Variants in RANBP3 observed in about 807,000 individuals in gnomAD.
The protein encoded by RANBP3 is RAN binding protein 3, also known as ran-binding protein 3.
Under a neutral mutation model 77.3 loss-of-function variants are expected in RANBP3, and 14 were observed. The ratio of observed to expected loss-of-function variants is 0.18; its 90% confidence interval spans 0.12 to 0.28. The LOEUF (loss-of-function observed/expected upper bound fraction) is 0.28, where lower values mean the gene tolerates loss of function less well. RANBP3 is among the 10% of genes least tolerant of loss of function. The pLI is 1.00. For synonymous variants in RANBP3, 315 were observed against 312.4 expected (o/e 1.01, Z -0.09); for missense variants, 586 against 752.3 (o/e 0.78, Z 2.59).
intron 13 of RANBP3, 132 bp downstream of exon 13, chr19:5,923,062 C>A: frequency 1.5e-6 from 1 of 689,560 alleles, no homozygotes; most frequent in Admixed American, 2.8e-5. Context: ...AGTCCCAGAG[C>A]GTGGGGCCAG....
intron 3 of RANBP3, chr19:5,950,574 G>A (rs1421590736): frequency 6.6e-6 from 1 of 152,238 alleles, no homozygotes; most frequent in Non-Finnish European, 1.5e-5. Flanking sequence ...CAGCCTGGAA[G>A]GCTGCCTGGT....
In RANBP3 at chr19:5,951,504, T is replaced by C. The variant is rs758610322; in HGVS notation, c.171A>G (p.Ser57=). The C allele has an allele frequency of 6.2e-7, 1 of 1,611,318 alleles. No individual in the cohort carries two copies. Among genetic ancestry groups the C allele is most frequent in the Non-Finnish European group, 8.5e-7 (1 of 1,178,412 alleles). ...GAGGTTCTAGGGCATGCTCGCCAGC[T>C]GACTCGGGGTGACCCGTGCCATGGT... The part of the protein sequence containing the change: ...APHHGTGHPE[S]AGEHALEPPA... The change falls in exon 3 of 17, where the codon TCA becomes TCG. Residue 57 remains serine (S), a synonymous_variant. Coordinates refer to ENST00000340578, the MANE Select transcript of RANBP3 (RefSeq NM_007322.3).
rs1402961286 is a variant in RANBP3 at position 5,962,725 on chromosome 19, C to T, written c.23-4752G>A. 2.6e-5 allele frequency: 12 copies of T among 455,962 alleles called. 2 individuals are homozygous for T. Among genetic ancestry groups the T allele is most frequent in the Middle Eastern group, 6.5e-4 (2 of 3,092 alleles). The allele number at this position is 455,962 out of a possible 1,614,324, so 28.2% of individuals were successfully genotyped here. On this transcript the variant is annotated intron_variant, in intron 1 of 16. Coordinates refer to ENST00000340578, the MANE Select transcript of RANBP3 (RefSeq NM_007322.3). ...TCACATCTGCACCCAAAACACAGAGCGTCAGTTACTCACGCTGCATTTCTA... is the reference window on the plus strand; with the variant it reads ...TCACATCTGCACCCAAAACACAGAGTGTCAGTTACTCACGCTGCATTTCTA...
In RANBP3 at chr19:5,962,937, C is replaced by T. The variant is rs1377693828; in HGVS notation, c.23-4964G>A. On this transcript the variant is annotated intron_variant, in intron 1 of 16. Coordinates refer to ENST00000340578, the MANE Select transcript of RANBP3 (RefSeq NM_007322.3). ...CCAGTGAGGAAGCAGCGTGTGAACACCGCTACCTCCAACTCAAGTTTGGGG... is the reference window on the plus strand; with the variant it reads ...CCAGTGAGGAAGCAGCGTGTGAACATCGCTACCTCCAACTCAAGTTTGGGG... Among the ~76,000 whole-genome samples the T allele has an allele frequency of 2.0e-5, 3 of 152,142 alleles. No individual in the cohort carries two copies. The East Asian group carries it at 5.8e-4, about 29-fold the overall frequency.
rs978779608 is a variant in RANBP3 at position 5,936,890 on chromosome 19, G to C, written c.407-3411C>G. Among the ~76,000 whole-genome samples the C allele has an allele frequency of 2.0e-5, 3 of 151,550 alleles. 1 individual carries two copies. Reference sequence around the variant, plus strand: ...TCCAGTGAACACCACTAATCAACGCGGCAGGGATGGTGCTCAGAGTATCCC... The same window carrying C: ...TCCAGTGAACACCACTAATCAACGCCGCAGGGATGGTGCTCAGAGTATCCC... On this transcript the variant is annotated intron_variant, in intron 5 of 16. Transcript: ENST00000340578.
Position 5,978,118 on chromosome 19 carries a change from C to T in RANBP3, c.-36G>A. 4 of 1,600,838 alleles carry T rather than the reference C, an allele frequency of 2.5e-6. No individual in the cohort carries two copies. Among genetic ancestry groups the T allele is most frequent in the Middle Eastern group, 1.7e-4 (1 of 6,026 alleles). On this transcript the variant is annotated 5_prime_UTR_variant, in exon 1 of 17. Transcript: ENST00000340578. ...TAAGCCCTCCCACAAGGCCCCGCGCCGGCCCAGGCTCGCCTGCTTTCTGCC... is the reference window on the plus strand; with the variant it reads ...TAAGCCCTCCCACAAGGCCCCGCGCTGGCCCAGGCTCGCCTGCTTTCTGCC...
chr19:5,923,547 G>A (rs986125625), intron 12 of RANBP3, among the ~76,000 whole-genome samples: 8 of 152,102 alleles, frequency 5.3e-5, no homozygotes, highest in East Asian at 1.9e-4. Context: ...CCGAGCAGTC[G>A]ACGGGGGGAC....
At chr19:5,975,534 T>A (rs1005040666) in intron 1 of RANBP3, among the ~76,000 whole-genome samples, 2 of 151,498 alleles carry the variant, frequency 1.3e-5, no homozygotes, top group Non-Finnish European at 2.9e-5. Flanking sequence ...CAACCAATAT[T>A]TCCTGTGTAC....
intron 5 of RANBP3, among the ~76,000 whole-genome samples, chr19:5,936,487 C>T (rs541510029): frequency 3.9e-5 from 6 of 152,288 alleles, no homozygotes; most frequent in South Asian, 2.1e-4. Flanking sequence ...CAGCTCTGTC[C>T]GCGGAGGGCC....
intron 1 of RANBP3, chr19:5,962,840 C>T: frequency 2.3e-6 from 1 of 437,016 alleles, no homozygotes; most frequent in Non-Finnish European, 4.6e-6. Context: ...GACCGCCCCA[C>T]TGCCCCCGAC....
intron 5 of RANBP3, chr19:5,935,549 T>A (rs1391365489): frequency 3.3e-6 from 1 of 299,662 alleles, no homozygotes; most frequent in Non-Finnish European, 6.9e-6. Context: ...TCCACGCTGA[T>A]GTTTTGGTCA....
At position 5,969,580 on chromosome 19, in the gene RANBP3, G is replaced by A. The variant is rs563465278; in HGVS notation, c.22+8481C>T. 4.6e-5 allele frequency among the ~76,000 whole-genome samples: 7 copies of A among 152,344 alleles called. No individual in the cohort carries two copies. In the East Asian group the frequency reaches 1.2e-3, roughly 25 times the overall value. On this transcript the variant is annotated intron_variant, in intron 1 of 16. Coordinates refer to ENST00000340578, the MANE Select transcript of RANBP3 (RefSeq NM_007322.3). ...GACAGCGAAATGCAGTGCCCTACGC[G>A]GGTCAGTTTTCAGGGGTGAACGAGT...
chr19:5,928,342 GC>G, intron 8 of RANBP3: 1 of 324,286 alleles, frequency 3.1e-6, no homozygotes, highest in Non-Finnish European at 5.6e-6. Context: ...AAACACCTGT[GC>G]CCTGCAGAAG....
chr19:5,932,185 C>G (rs894133743), intron 7 of RANBP3, among the ~76,000 whole-genome samples: 2 of 152,188 alleles, frequency 1.3e-5, no homozygotes, highest in Non-Finnish European at 2.9e-5. Context: ...AGTGAATGAA[C>G]AAAGCAGGTT....
chr19:5,943,300 C>T (rs1346315490), intron 3 of RANBP3, among the ~76,000 whole-genome samples: 2 of 152,208 alleles, frequency 1.3e-5, no homozygotes, highest in African/African-American at 2.4e-5. Context: ...GCTTTGCAAA[C>T]TGCAGAGTGG....
At chr19:5,947,860 A>G (rs10407413) in intron 3 of RANBP3, among the ~76,000 whole-genome samples, 143,026 of 152,260 alleles carry the variant, frequency 0.94, 67,274 homozygotes, top group East Asian at 1. Flanking sequence ...TACAAGACAG[A>G]GGGGCACATC....
intron 1 of RANBP3, among the ~76,000 whole-genome samples, chr19:5,961,873 CT>C (rs2058407051): frequency 2.0e-5 from 3 of 151,954 alleles, no homozygotes; most frequent in Admixed American, 1.3e-4. Flanking sequence ...CCCGCTGTCG[CT>C]GCACGTCCCA....
intron 8 of RANBP3, among the ~76,000 whole-genome samples, chr19:5,929,286 G>A (rs2057955704): frequency 6.6e-6 from 1 of 152,216 alleles, no homozygotes; most frequent in Admixed American, 6.5e-5. Context: ...CGTGTTTGGC[G>A]ACCTGGAAGT....
intron 5 of RANBP3, among the ~76,000 whole-genome samples, chr19:5,938,403 C>G (rs913008863): frequency 2.0e-5 from 3 of 152,140 alleles, no homozygotes; most frequent in African/African-American, 7.2e-5. Flanking sequence ...AATTTTAAAG[C>G]TGGGGGCCAG....
Sources: gnomAD v4.1 joint callset for allele counts (sites outside exome capture counted in the v4.1 genomes callset) on GRCh38, gnomAD v4.1.1 for gene constraint, MANE v1.5 for transcripts, NCBI Gene and HGNC (gene_info 2026-07-23, HGNC 2026-07-21) for gene names.